Variants in PLGRKT observed in about 807,000 individuals in gnomAD.
PLGRKT encodes plasminogen receptor (KT).
In PLGRKT, 22 loss-of-function variants were observed where a neutral mutation model predicts 18.5. The ratio of observed to expected loss-of-function variants is 1.19; its 90% confidence interval spans 0.85 to 1.70. The LOEUF is 1.70. PLGRKT is among the 40% of genes most tolerant of loss of function. PLGRKT has a pLI of 0.00. For missense variants in PLGRKT, 235 were observed against 174.4 expected (o/e 1.35, Z -1.96); for synonymous variants, 72 against 52.8 (o/e 1.36, Z -1.58).
intron 3 of PLGRKT, among the ~76,000 whole-genome samples, chr9:5,431,120 T>A (rs1443509001): frequency 6.6e-6 from 1 of 152,228 alleles, no homozygotes; most frequent in Non-Finnish European, 1.5e-5. Context: ...TTTCCGTGCC[T>A]TTTCCAGCCT....
chr9:5,382,549 G>A (rs1256332862), intron 3 of PLGRKT, among the ~76,000 whole-genome samples: 1 of 152,204 alleles, frequency 6.6e-6, no homozygotes, highest in Admixed American at 6.5e-5. Context: ...AAGGGCTACT[G>A]AAGAAAACAG....
chr9:5,370,517 A>G (rs1013230737), intron 3 of PLGRKT, among the ~76,000 whole-genome samples: 1 of 152,216 alleles, frequency 6.6e-6, no homozygotes, highest in African/African-American at 2.4e-5. Flanking sequence ...TCAGTTTACT[A>G]CTATGTTTTA....
At chr9:5,412,305 A>G (rs2131146083) in intron 3 of PLGRKT, among the ~76,000 whole-genome samples, 1 of 152,304 alleles carries the variant, frequency 6.6e-6, no homozygotes, top group South Asian at 2.1e-4. Flanking sequence ...TAAACCCCAA[A>G]TGGATTTGGA....
intron 5 of PLGRKT, among the ~76,000 whole-genome samples, chr9:5,359,055 C>A (rs973809439): frequency 7.1e-6 from 1 of 140,034 alleles, no homozygotes; most frequent in Non-Finnish European, 1.5e-5. Context: ...TCTTTTAACA[C>A]ACTATTTTAT....
At chr9:5,411,384 C>CAAAAA (rs78144379) in intron 3 of PLGRKT, among the ~76,000 whole-genome samples, 9 of 122,164 alleles carry the variant, frequency 7.4e-5, no homozygotes, top group African/African-American at 1.3e-4. Flanking sequence ...GACCCTGTTT[C>CAAAAA]AAAAAAAAAA....
At chr9:5,424,691 T>TATATATATATATATAAACACAA in intron 3 of PLGRKT, among the ~76,000 whole-genome samples, 1 of 70,502 alleles carries the variant, frequency 1.4e-5, no homozygotes, top group African/African-American at 6.1e-5. Flanking sequence ...TATATATATA[T>TATATATATATATATAAACACAA]ACACACAGGG....
At chr9:5,361,636 T>A in intron 4 of PLGRKT, 122 bp downstream of exon 4, 1 of 853,992 alleles carries the variant, frequency 1.2e-6, no homozygotes, top group African/African-American at 1.7e-5. Context: ...GGTTAATAGG[T>A]TACTTTGGTT....
intron 3 of PLGRKT, among the ~76,000 whole-genome samples, chr9:5,431,224 A>T (rs1366581868): frequency 6.6e-6 from 1 of 152,098 alleles, no homozygotes; most frequent in Non-Finnish European, 1.5e-5. Context: ...ACTGACTCTC[A>T]TGCTTCCTTC....
At chr9:5,410,475 G>A (rs1374348784) in intron 3 of PLGRKT, among the ~76,000 whole-genome samples, 1 of 150,542 alleles carries the variant, frequency 6.6e-6, no homozygotes, top group Non-Finnish European at 1.5e-5. Context: ...CATCAGCCTG[G>A]GTAACAGAGC....
rs1031331850 is a variant in PLGRKT at position 5,365,125 on chromosome 9, A to C, written c.82-3237T>G. On this transcript the variant is annotated intron_variant, in intron 3 of 5. Transcript: ENST00000223864. The stretch of plus-strand genomic sequence containing the variant: ...CATGATTTCTACTCTCCAAAAAAAA[A>C]TAAATAAATAAACCAGGGCTCCTTA... Among the ~76,000 whole-genome samples the C allele has an allele frequency of 1.4e-4, 20 of 147,752 alleles. No homozygotes were observed. In the Admixed American group the frequency reaches 1.4e-3, roughly 10 times the overall value.
At chr9:5,400,167 T>C (rs1403911653) in intron 3 of PLGRKT, among the ~76,000 whole-genome samples, 1 of 151,826 alleles carries the variant, frequency 6.6e-6, no homozygotes, top group Non-Finnish European at 1.5e-5. Context: ...TTGTGTTTTT[T>C]ACTTGTTTAT....
At chr9:5,401,793 A>G (rs545856681) in intron 3 of PLGRKT, among the ~76,000 whole-genome samples, 1 of 152,066 alleles carries the variant, frequency 6.6e-6, no homozygotes, top group East Asian at 1.9e-4. Flanking sequence ...TATATCTGAA[A>G]GGTGACATCA....
At chr9:5,428,734 G>A (rs1015600979) in intron 3 of PLGRKT, among the ~76,000 whole-genome samples, 4 of 152,214 alleles carry the variant, frequency 2.6e-5, no homozygotes, top group African/African-American at 9.7e-5. Flanking sequence ...GTCTCGCTCT[G>A]TCAACCAGGC....
intron 3 of PLGRKT, among the ~76,000 whole-genome samples, chr9:5,423,283 C>A (rs58039342): frequency 1.3e-5 from 2 of 152,104 alleles, no homozygotes; most frequent in Admixed American, 6.5e-5. Context: ...TCAACTGGCA[C>A]GTGATAGACA....
chr9:5,379,491 T>C (rs1391740669), intron 3 of PLGRKT, among the ~76,000 whole-genome samples: 2 of 152,102 alleles, frequency 1.3e-5, no homozygotes, highest in Non-Finnish European at 2.9e-5. Context: ...CAGCCACATG[T>C]GAGTGGATAT....
At chr9:5,414,088 T>G (rs566818488) in intron 3 of PLGRKT, among the ~76,000 whole-genome samples, 10 of 152,032 alleles carry the variant, frequency 6.6e-5, no homozygotes, top group Middle Eastern at 3.4e-3. Flanking sequence ...AGAGGAAGGG[T>G]GGGAACAGGG....
At chr9:5,384,465 G>A (rs1817804860) in intron 3 of PLGRKT, among the ~76,000 whole-genome samples, 1 of 152,144 alleles carries the variant, frequency 6.6e-6, no homozygotes, top group South Asian at 2.1e-4. Flanking sequence ...TAGACATGGA[G>A]AGGAATAAAA....
At chr9:5,410,846 T>C (rs1033023022) in intron 3 of PLGRKT, among the ~76,000 whole-genome samples, 1 of 152,138 alleles carries the variant, frequency 6.6e-6, no homozygotes, top group African/African-American at 2.4e-5. Flanking sequence ...AAATTTTGTC[T>C]CCATTTTTTA....
chr9:5,438,069 C>A (rs1818997855), upstream of PLGRKT, among the ~76,000 whole-genome samples: 1 of 152,210 alleles, frequency 6.6e-6, no homozygotes, highest in Admixed American at 6.5e-5. Flanking sequence ...GGCGACTCAG[C>A]TGCCAGATTT....
Sources: gnomAD v4.1 joint callset for allele counts (sites outside exome capture counted in the v4.1 genomes callset) on GRCh38, gnomAD v4.1.1 for gene constraint, MANE v1.5 for transcripts, NCBI Gene and HGNC (gene_info 2026-07-23, HGNC 2026-07-21) for gene names.